The following TNIK variants were observed in gnomAD, a reference collection of about 807,000 sequenced individuals.
TNIK encodes the protein TRAF2 and NCK-interacting protein kinase.
In TNIK, 49 loss-of-function variants were observed where a neutral mutation model predicts 191.3. That is an observed-to-expected ratio of 0.26 (90% CI 0.20 to 0.32). TNIK has a LOEUF of 0.32. Ranked by LOEUF, TNIK falls within the 10% of genes least tolerant of loss-of-function variation. The pLI is 1.00. For synonymous variants in TNIK, 594 were observed against 600.9 expected (o/e 0.99, Z 0.17); for missense variants, 1,155 against 1,702.3 (o/e 0.68, Z 5.66).
At chr3:171,074,178 T>C (rs1323930879) in intron 28 of TNIK, among the ~76,000 whole-genome samples, 2 of 152,150 alleles carry the variant, frequency 1.3e-5, no homozygotes, top group Admixed American at 6.5e-5. Flanking sequence ...TGGAATACTA[T>C]GCAGCCATAA....
chr3:171,175,171 C>G (rs990993815), intron 9 of TNIK, 81 bp downstream of exon 9: 2 of 1,312,840 alleles, frequency 1.5e-6, no homozygotes, highest in South Asian at 2.5e-5. Context: ...TCAGCAGGAC[C>G]TAGGGATTAG....
chr3:171,231,607 G>A (rs1173240125), intron 2 of TNIK, among the ~76,000 whole-genome samples: 4 of 152,156 alleles, frequency 2.6e-5, no homozygotes, highest in Non-Finnish European at 5.9e-5. Context: ...AAAGGGCCAT[G>A]AAGGAACTTG....
chr3:171,133,799 C>T (rs964076870), intron 15 of TNIK, among the ~76,000 whole-genome samples: 1 of 151,980 alleles, frequency 6.6e-6, no homozygotes, highest in Non-Finnish European at 1.5e-5. Context: ...CAGAGAAATC[C>T]GGATGGAGAA....
chr3:171,186,625 A>C (rs1159149358), intron 7 of TNIK, among the ~76,000 whole-genome samples: 3 of 152,134 alleles, frequency 2.0e-5, no homozygotes, highest in Non-Finnish European at 4.4e-5. Context: ...ACTAATTTGC[A>C]CTAAGGTCTA....
intron 2 of TNIK, among the ~76,000 whole-genome samples, chr3:171,281,186 C>CAA (rs5854413): frequency 1.4e-5 from 2 of 146,220 alleles, no homozygotes; most frequent in African/African-American, 5.0e-5. Flanking sequence ...TCTTTGGCCT[C>CAA]AAAAAAAAAA....
intron 1 of TNIK, among the ~76,000 whole-genome samples, chr3:171,382,328 C>A (rs924904429): frequency 2.1e-5 from 3 of 144,960 alleles, no homozygotes; most frequent in African/African-American, 7.5e-5. Context: ...TCAAGCAATT[C>A]TTCTGCCTCA....
At chr3:171,422,539 TTTG>T (rs1219145701) in intron 1 of TNIK, among the ~76,000 whole-genome samples, 1 of 152,222 alleles carries the variant, frequency 6.6e-6, no homozygotes, top group Non-Finnish European at 1.5e-5. Context: ...AAATGCCTTT[TTTG>T]TTTTGTTAAT....
intron 15 of TNIK, among the ~76,000 whole-genome samples, chr3:171,133,276 C>A (rs999623398): frequency 6.6e-5 from 10 of 152,152 alleles, no homozygotes; most frequent in Non-Finnish European, 1.0e-4. Context: ...GAAGCAAAAT[C>A]TTAGAAAGTT....
intron 2 of TNIK, among the ~76,000 whole-genome samples, chr3:171,293,659 CA>C (rs1056709839): frequency 1.3e-5 from 2 of 152,102 alleles, no homozygotes; most frequent in Non-Finnish European, 2.9e-5. Flanking sequence ...AAATGAATAA[CA>C]TTTTTTTTCC....
At chr3:171,200,591 G>A (rs987358547) in intron 4 of TNIK, among the ~76,000 whole-genome samples, 1 of 152,202 alleles carries the variant, frequency 6.6e-6, no homozygotes, top group African/African-American at 2.4e-5. Context: ...CAATATTTAA[G>A]TAAAGGGTCC....
intron 2 of TNIK, among the ~76,000 whole-genome samples, chr3:171,317,731 G>C (rs1319777917): frequency 1.3e-5 from 2 of 152,130 alleles, no homozygotes; most frequent in East Asian, 3.9e-4. Context: ...TTGTTATTTA[G>C]GTTATAAGAC....
At chr3:171,326,003 C>G (rs1755709041) in intron 2 of TNIK, among the ~76,000 whole-genome samples, 1 of 152,120 alleles carries the variant, frequency 6.6e-6, no homozygotes, top group Non-Finnish European at 1.5e-5. Context: ...ATAATGATGC[C>G]CTTGGGTCTT....
intron 18 of TNIK, among the ~76,000 whole-genome samples, chr3:171,121,807 C>A (rs1208518148): frequency 2.0e-5 from 3 of 152,174 alleles, no homozygotes. Context: ...TAAATGCTGG[C>A]CACATGGAGA....
chr3:171,273,739 A>G (rs1189297081), intron 2 of TNIK, among the ~76,000 whole-genome samples: 1 of 152,210 alleles, frequency 6.6e-6, no homozygotes, highest in East Asian at 1.9e-4. Context: ...CGACCTTTTT[A>G]AAAAATAAAA....
chr3:171,275,705 G>A (rs899022129), intron 2 of TNIK, among the ~76,000 whole-genome samples: 9 of 151,914 alleles, frequency 5.9e-5, no homozygotes. Context: ...GACCATCCTG[G>A]CTAACATGGT....
intron 1 of TNIK, among the ~76,000 whole-genome samples, chr3:171,437,012 T>C (rs975106742): frequency 2.0e-5 from 3 of 152,240 alleles, no homozygotes; most frequent in African/African-American, 7.2e-5. Flanking sequence ...TTCCTCTCTT[T>C]TTTTATTACT....
At chr3:171,345,344 A>G (rs1358669208) in intron 2 of TNIK, among the ~76,000 whole-genome samples, 1 of 152,158 alleles carries the variant, frequency 6.6e-6, no homozygotes, top group Non-Finnish European at 1.5e-5. Flanking sequence ...GTTATATTAC[A>G]TCTTGCCTGG....
chr3:171,155,324 T>G (rs1159526998), intron 12 of TNIK, among the ~76,000 whole-genome samples: 1 of 152,134 alleles, frequency 6.6e-6, no homozygotes, highest in Non-Finnish European at 1.5e-5. Flanking sequence ...ATGTCATGAC[T>G]AAGGGGTTCA....
intron 2 of TNIK, among the ~76,000 whole-genome samples, chr3:171,279,675 C>T (rs768175437): frequency 6.6e-6 from 1 of 151,584 alleles, no homozygotes; most frequent in Non-Finnish European, 1.5e-5. Flanking sequence ...CATTTTTTGA[C>T]AATAGCAATG....
Sources: gnomAD v4.1 joint callset for allele counts (sites outside exome capture counted in the v4.1 genomes callset) on GRCh38, gnomAD v4.1.1 for gene constraint, MANE v1.5 for transcripts, NCBI Gene and HGNC (gene_info 2026-07-23, HGNC 2026-07-21) for gene names.